The following MYRFL variants were observed in gnomAD, a reference collection of about 807,000 sequenced individuals.
The protein encoded by MYRFL is myelin regulatory factor-like protein.
Under a neutral mutation model 109.4 loss-of-function variants are expected in MYRFL, and 88 were observed. The ratio of observed to expected loss-of-function variants is 0.80; its 90% CI spans 0.68 to 0.96. MYRFL has a LOEUF of 0.96. Among genes scored for constraint, MYRFL ranks in the 40% least tolerant of loss-of-function variants. The pLI, the probability that MYRFL is intolerant of heterozygous loss-of-function variation, is 0.00. For missense variants in MYRFL, 957 were observed against 954.9 expected (o/e 1.00, Z -0.03); for synonymous variants, 324 against 320.9 (o/e 1.01, Z -0.10).
At chr12:69,887,825 A>C (rs1047191878) in intron 6 of MYRFL, among the ~76,000 whole-genome samples, 3 of 152,176 alleles carry the variant, frequency 2.0e-5, no homozygotes, top group Middle Eastern at 3.2e-3. Flanking sequence ...AGCTAAAGGA[A>C]GCTCATTGCT....
chr12:69,840,270 A>G (rs1168450451), intron 1 of MYRFL, among the ~76,000 whole-genome samples: 2 of 152,210 alleles, frequency 1.3e-5, no homozygotes, highest in Non-Finnish European at 2.9e-5. Context: ...TACAAATAAC[A>G]TTATTGAGAA....
At chr12:69,902,861 C>T (rs1361683508) in intron 10 of MYRFL, among the ~76,000 whole-genome samples, 1 of 152,208 alleles carries the variant, frequency 6.6e-6, no homozygotes, top group Non-Finnish European at 1.5e-5. Flanking sequence ...CTTGGATTTT[C>T]TTTGAAGATT....
At chr12:69,939,994 T>G (rs572336206) in intron 19 of MYRFL, among the ~76,000 whole-genome samples, 5 of 151,362 alleles carry the variant, frequency 3.3e-5, no homozygotes, top group African/African-American at 9.7e-5. Flanking sequence ...AGAAGGAAAG[T>G]TTAGAGAAAA....
At chr12:69,843,624 G>A (rs1883366710) in intron 1 of MYRFL, among the ~76,000 whole-genome samples, 1 of 152,194 alleles carries the variant, frequency 6.6e-6, no homozygotes, top group Non-Finnish European at 1.5e-5. Context: ...AGATTTTTTA[G>A]TAGGTCCTGT....
At chr12:69,889,062 A>G (rs1230899282) in intron 6 of MYRFL, among the ~76,000 whole-genome samples, 1 of 151,958 alleles carries the variant, frequency 6.6e-6, no homozygotes, top group Admixed American at 6.6e-5. Context: ...AGACCCATTA[A>G]TTTTTTCTGT....
At chr12:69,877,584 C>G (rs1224227721) in intron 2 of MYRFL, among the ~76,000 whole-genome samples, 1 of 152,132 alleles carries the variant, frequency 6.6e-6, no homozygotes, top group Non-Finnish European at 1.5e-5. Flanking sequence ...CTGCTGGGGT[C>G]TCTGCTCATA....
At chr12:69,836,114 T>C (rs894997296) in intron 1 of MYRFL, among the ~76,000 whole-genome samples, 1 of 151,844 alleles carries the variant, frequency 6.6e-6, no homozygotes, top group Non-Finnish European at 1.5e-5. Context: ...CAGAAGGGAG[T>C]TGGTTTTCCC....
intron 1 of MYRFL, among the ~76,000 whole-genome samples, chr12:69,834,197 A>G (rs1024032552): frequency 1.3e-5 from 2 of 152,230 alleles, no homozygotes; most frequent in Admixed American, 6.5e-5. Flanking sequence ...CAAAAAGTCC[A>G]GCAAGATGGG....
chr12:69,897,476 A>G (rs190223235), intron 10 of MYRFL, among the ~76,000 whole-genome samples: 1 of 152,316 alleles, frequency 6.6e-6, no homozygotes, highest in East Asian at 1.9e-4. Flanking sequence ...GCTGGCATCT[A>G]GTGGGTAGAG....
chr12:69,955,762 G>GTAAT lies in MYRFL; in HGVS notation c.2450+326_2450+329dup, dbSNP rs1162006432. On this transcript the variant is annotated intron_variant, in intron 22 of 24. Coordinates refer to ENST00000552032, the MANE Select transcript of MYRFL (RefSeq NM_182530.3). ...AGAGAGAATTGGAATGGCAACAAGA[G>GTAAT]TAATAACATGCCCCCCGATGGGAAG... is the stretch of plus-strand genomic sequence containing the variant. 2.6e-5 allele frequency among the ~76,000 whole-genome samples: 4 copies of GTAAT among 151,170 alleles called. No individual in the cohort carries two copies. The East Asian group carries it at 7.8e-4, about 30-fold the overall frequency.
intron 1 of MYRFL, among the ~76,000 whole-genome samples, chr12:69,850,262 TGTAGC>T (rs1304168528): frequency 6.6e-6 from 1 of 152,154 alleles, no homozygotes; most frequent in Non-Finnish European, 1.5e-5. Context: ...TGTCTTTATC[TGTAGC>T]ATGAAAACAG....
At chr12:69,886,473 T>C (rs529743256) in intron 5 of MYRFL, among the ~76,000 whole-genome samples, 3 of 152,168 alleles carry the variant, frequency 2.0e-5, no homozygotes, top group Admixed American at 1.3e-4. Context: ...TGCTGTACTT[T>C]GGTTGATTGA....
chr12:69,941,317 A>T (rs1565644329), intron 19 of MYRFL, among the ~76,000 whole-genome samples: 1 of 91,036 alleles, frequency 1.1e-5, no homozygotes, highest in Admixed American at 1.4e-4. Flanking sequence ...AAAAGAACAC[A>T]AATTATAACA....
chr12:69,914,486 T>C (rs1954671432), intron 13 of MYRFL, among the ~76,000 whole-genome samples: 1 of 152,192 alleles, frequency 6.6e-6, no homozygotes, highest in African/African-American at 2.4e-5. Context: ...GGCCCTCCAC[T>C]AGAACACTCG....
intron 9 of MYRFL, among the ~76,000 whole-genome samples, chr12:69,896,439 T>G (rs1367818427): frequency 6.6e-6 from 1 of 152,240 alleles, no homozygotes; most frequent in Admixed American, 6.5e-5. Context: ...TTCATGCAGT[T>G]CTTGGGCAAA....
At chr12:69,840,762 T>C (rs1883200998) in intron 1 of MYRFL, among the ~76,000 whole-genome samples, 1 of 152,056 alleles carries the variant, frequency 6.6e-6, no homozygotes, top group Non-Finnish European at 1.5e-5. Context: ...CACATGCAGG[T>C]TTCTGGATGT....
intron 16 of MYRFL, among the ~76,000 whole-genome samples, chr12:69,934,071 A>C (rs1955367062): frequency 6.6e-6 from 1 of 152,182 alleles, no homozygotes; most frequent in Non-Finnish European, 1.5e-5. Context: ...CAGATGCTGG[A>C]CACAAATCAT....
chr12:69,842,286 A>G (rs1883290156), intron 1 of MYRFL, among the ~76,000 whole-genome samples: 1 of 152,284 alleles, frequency 6.6e-6, no homozygotes, highest in South Asian at 2.1e-4. Flanking sequence ...AAACCTAATC[A>G]CATCACTCCC....
At chr12:69,839,510 A>G (rs964945153) in intron 1 of MYRFL, among the ~76,000 whole-genome samples, 15 of 152,232 alleles carry the variant, frequency 9.9e-5, no homozygotes, top group African/African-American at 2.9e-4. Context: ...GCTATTTTTT[A>G]CAATTCTGCA....
Sources: gnomAD v4.1 joint callset for allele counts (sites outside exome capture counted in the v4.1 genomes callset) on GRCh38, gnomAD v4.1.1 for gene constraint, MANE v1.5 for transcripts, NCBI Gene and HGNC (gene_info 2026-07-23, HGNC 2026-07-21) for gene names.